Variants in PDHX observed in about 807,000 individuals in gnomAD.
PDHX encodes pyruvate dehydrogenase complex component X.
Under a neutral mutation model 55.3 loss-of-function variants are expected in PDHX, and 33 were observed. The observed-to-expected ratio is 0.60, with a 90% CI of 0.45 to 0.80. The LOEUF (loss-of-function observed/expected upper bound fraction) is 0.80. Among genes scored for constraint, PDHX ranks in the 30% least tolerant of loss-of-function variants. The pLI is 0.00. For missense variants in PDHX, 622 were observed against 619.9 expected (o/e 1.00, Z -0.04); for synonymous variants, 226 against 219.4 (o/e 1.03, Z -0.27).
chr11:34,943,129 A>G (rs1301272577), intron 2 of PDHX, among the ~76,000 whole-genome samples: 1 of 152,174 alleles, frequency 6.6e-6, no homozygotes, highest in Non-Finnish European at 1.5e-5. Context: ...AGGAATGGGG[A>G]TGGGAATATA....
At chr11:34,974,550 TATG>T (rs938092093) in intron 7 of PDHX, among the ~76,000 whole-genome samples, 2 of 152,314 alleles carry the variant, frequency 1.3e-5, no homozygotes, top group South Asian at 2.1e-4. Context: ...TACTGGATTA[TATG>T]ATAATTCTAT....
intron 3 of PDHX, among the ~76,000 whole-genome samples, chr11:34,947,986 T>TGGA (rs1565156263): frequency 6.6e-6 from 1 of 152,196 alleles, no homozygotes; most frequent in African/African-American, 2.4e-5. Context: ...GGTAGTATGG[T>TGGA]GGAGCATCTA....
intron 9 of PDHX, among the ~76,000 whole-genome samples, chr11:34,991,879 C>A (rs1428798259): frequency 7.5e-6 from 1 of 133,692 alleles, no homozygotes; most frequent in Non-Finnish European, 1.5e-5. Flanking sequence ...CACTGCACTC[C>A]AGCCAGGGCA....
At chr11:34,936,286 T>C (rs12295537) in intron 2 of PDHX, among the ~76,000 whole-genome samples, 1 of 151,930 alleles carries the variant, frequency 6.6e-6, no homozygotes, top group Non-Finnish European at 1.5e-5. Flanking sequence ...ACCAAGTCTG[T>C]TTGGGCATAT....
At chr11:34,918,510 T>C (rs1381055479) in intron 1 of PDHX, among the ~76,000 whole-genome samples, 1 of 152,040 alleles carries the variant, frequency 6.6e-6, no homozygotes, top group Non-Finnish European at 1.5e-5. Flanking sequence ...AAGCAATCCT[T>C]ATCTGCATCC....
intron 3 of PDHX, among the ~76,000 whole-genome samples, chr11:34,952,043 A>T (rs578025398): frequency 2.0e-5 from 3 of 152,318 alleles, no homozygotes; most frequent in Non-Finnish European, 2.9e-5. Flanking sequence ...TCAAACTACC[A>T]TCAGAGAATA....
At chr11:34,949,245 T>TTTTTGA (rs1387957975) in intron 3 of PDHX, among the ~76,000 whole-genome samples, 3 of 152,010 alleles carry the variant, frequency 2.0e-5, no homozygotes, top group Admixed American at 6.6e-5. Flanking sequence ...CTGTTTTTTG[T>TTTTTGA]TTTTGTTTTT....
At position 34,926,636 on chromosome 11, in the gene PDHX, C is replaced by G. The variant is rs140145545; in HGVS notation, c.161-4768C>G. ...CATATTAACCATAAAGCAGTTTGTT[C>G]TGCATTTGTATTTTAAGAGTTTGCT... On this transcript the variant is annotated intron_variant, in intron 1 of 10. Coordinates refer to ENST00000227868, the MANE Select transcript of PDHX (RefSeq NM_003477.3). Among the ~76,000 whole-genome samples the G allele has an allele frequency of 3.8e-3, 574 of 149,950 alleles. 3 individuals carry two copies. Among genetic ancestry groups the G allele is most frequent in the African/African-American group, 0.014 (551 of 40,702 alleles).
chr11:34,922,634 G>T (rs188500447), intron 1 of PDHX, among the ~76,000 whole-genome samples: 1 of 152,016 alleles, frequency 6.6e-6, no homozygotes, highest in Non-Finnish European at 1.5e-5. Flanking sequence ...AGTAATAACC[G>T]CATTGTAGAC....
chr11:34,941,939 A>G lies in PDHX; in HGVS notation c.242-5567A>G, dbSNP rs189326642. ...GGCCCGCTCCTCTTCCGCCACTGCC[A>G]TGGACCACGAGAAGATGGTGCAGGA... On this transcript the variant is annotated intron_variant, in intron 2 of 10. Transcript: ENST00000227868. 725 of 153,434 alleles carry G rather than the reference A, an allele frequency of 4.7e-3. 1 individual carries two copies. Among genetic ancestry groups the G allele is most frequent in the African/African-American group, 0.011 (444 of 41,590 alleles). The allele number at this position is 153,434 out of a possible 1,614,324, so 9.5% of individuals were successfully genotyped here. A position where few individuals can be genotyped will look rare whatever the true frequency, so the allele number is the denominator to read the frequency against.
rs1053082349 is a variant in PDHX at position 34,930,326 on chromosome 11, G to A, written c.161-1078G>A. Among the ~76,000 whole-genome samples the A allele has an allele frequency of 1.4e-4, 22 of 152,182 alleles. 1 individual carries two copies. The highest frequency in any genetic ancestry group is 9.8e-4 in the Admixed American group (15 of 15,280). ...AAAGAGGTGGAAGCGCCTTTATCAC[G>A]AAGCCATAGGAAATCTCCATTTGAA... On this transcript the variant is annotated intron_variant, in intron 1 of 10. Transcript: ENST00000227868.
chr11:34,959,269 C>T (rs1854969914), intron 4 of PDHX, among the ~76,000 whole-genome samples: 1 of 152,022 alleles, frequency 6.6e-6, no homozygotes, highest in South Asian at 2.1e-4. Context: ...ACTTTAATAG[C>T]ATTTCTCCCA....
At chr11:34,929,503 A>C (rs1269653243) in intron 1 of PDHX, among the ~76,000 whole-genome samples, 1 of 152,192 alleles carries the variant, frequency 6.6e-6, no homozygotes, top group Non-Finnish European at 1.5e-5. Context: ...TTAATACAAG[A>C]ATTCTGCATG....
intron 10 of PDHX, among the ~76,000 whole-genome samples, chr11:34,994,116 CATCAT>C (rs1855812043): frequency 6.6e-6 from 1 of 152,076 alleles, no homozygotes; most frequent in Non-Finnish European, 1.5e-5. Flanking sequence ...ATCATGCAAA[CATCAT>C]AGAGTGTACT....
intron 2 of PDHX, among the ~76,000 whole-genome samples, chr11:34,933,917 T>C (rs1354073089): frequency 6.6e-6 from 1 of 152,100 alleles, no homozygotes; most frequent in African/African-American, 2.4e-5. Flanking sequence ...TTCACAGTAA[T>C]ACTAAAGAAA....
At chr11:34,938,740 C>T (rs1854396768) in intron 2 of PDHX, among the ~76,000 whole-genome samples, 1 of 152,142 alleles carries the variant, frequency 6.6e-6, no homozygotes, top group Non-Finnish European at 1.5e-5. Flanking sequence ...TATTCACACC[C>T]GTTAGAATAT....
At chr11:34,940,505 T>A (rs1033206730) in intron 2 of PDHX, among the ~76,000 whole-genome samples, 2 of 152,208 alleles carry the variant, frequency 1.3e-5, no homozygotes, top group Admixed American at 6.5e-5. Flanking sequence ...TTTTGAAAAG[T>A]CCATTTCACA....
At chr11:34,955,287 A>G (rs897478722) in intron 3 of PDHX, among the ~76,000 whole-genome samples, 1 of 152,112 alleles carries the variant, frequency 6.6e-6, no homozygotes, top group African/African-American at 2.4e-5. Flanking sequence ...TTATTTACGT[A>G]TTTATACTAA....
rs12292505 is a variant in PDHX, at chr11:34,955,621, A to G, written c.343-1763A>G. Among the ~76,000 whole-genome samples, 201 of 152,286 alleles carry G rather than the reference A, an allele frequency of 1.3e-3. 1 individual carries two copies. The highest frequency in any genetic ancestry group is 4.8e-3 in the African/African-American group (198 of 41,574). On this transcript the variant is annotated intron_variant, in intron 3 of 10. Transcript: ENST00000227868. ...TTTATTTGATATTTAGATAATGGTAAAAATTGAAATGATGATAAATGCTGT... is the reference window on the plus strand; with the variant it reads ...TTTATTTGATATTTAGATAATGGTAGAAATTGAAATGATGATAAATGCTGT...
Sources: allele counts gnomAD v4.1 joint callset (sites outside exome capture counted in the v4.1 genomes callset), GRCh38; gene constraint gnomAD v4.1.1; transcripts MANE v1.5; gene names NCBI Gene and HGNC (gene_info 2026-07-23, HGNC 2026-07-21).